Variants in PANK1 observed in about 807,000 individuals in gnomAD.
PANK1 encodes the protein pantothenic acid kinase 1.
In PANK1, 18 loss-of-function variants were observed where a neutral mutation model predicts 40.1. The ratio of observed to expected loss-of-function variants is 0.45; its 90% CI spans 0.31 to 0.67. PANK1 has a LOEUF of 0.67. Ranked by LOEUF, PANK1 falls within the 30% of genes least tolerant of loss-of-function variation. The pLI, the probability that PANK1 is intolerant of heterozygous loss-of-function variation, is 0.06. For missense variants in PANK1, 457 were observed against 599.6 expected (o/e 0.76, Z 2.48); for synonymous variants, 242 against 237.7 (o/e 1.02, Z -0.17).
intron 1 of PANK1, among the ~76,000 whole-genome samples, chr10:89,616,293 CTAGA>C (rs144511661): frequency 0.028 from 4,287 of 152,092 alleles, 178 homozygotes; most frequent in African/African-American, 0.097. Flanking sequence ...AAAGGAATTC[CTAGA>C]TAAATTTCTA....
intron 2 of PANK1, among the ~76,000 whole-genome samples, chr10:89,600,440 C>G (rs908434972): frequency 1.3e-5 from 2 of 152,202 alleles, no homozygotes; most frequent in Non-Finnish European, 2.9e-5. Flanking sequence ...ATTTCTCAAA[C>G]CTCAGTGCCC....
intron 1 of PANK1, among the ~76,000 whole-genome samples, chr10:89,615,949 T>C (rs1359798754): frequency 6.6e-6 from 1 of 152,222 alleles, no homozygotes; most frequent in Admixed American, 6.5e-5. Flanking sequence ...TACTCCAGCA[T>C]ACCCAGATGC....
chr10:89,639,385 T>A, intron 1 of PANK1: 1 of 277,748 alleles, frequency 3.6e-6, no homozygotes, highest in Middle Eastern at 4.7e-4. Context: ...GGAGATTACA[T>A]TTCCAACACA....
intron 3 of PANK1, among the ~76,000 whole-genome samples, chr10:89,598,796 T>G (rs34116608): frequency 0.13 from 19,054 of 152,088 alleles, 1,413 homozygotes; most frequent in Middle Eastern, 0.19. Context: ...TGGCTGAGGG[T>G]AAAAAAACAT....
intron 3 of PANK1, among the ~76,000 whole-genome samples, chr10:89,596,556 AGC>A: frequency 6.6e-6 from 1 of 152,220 alleles, no homozygotes; most frequent in Non-Finnish European, 1.5e-5. Flanking sequence ...AATGTCTCCC[AGC>A]ACTTTATTAA....
chr10:89,636,741 G>A (rs188974138), intron 1 of PANK1, among the ~76,000 whole-genome samples: 5 of 151,370 alleles, frequency 3.3e-5, no homozygotes, highest in Admixed American at 1.3e-4. Context: ...ATGAGCCACC[G>A]CACCCAGCCT....
intron 1 of PANK1, among the ~76,000 whole-genome samples, chr10:89,636,164 C>G (rs750309354): frequency 2.0e-5 from 3 of 152,154 alleles, no homozygotes; most frequent in Non-Finnish European, 4.4e-5. Context: ...CTAGGAGACT[C>G]TCTGCGGTAG....
chr10:89,629,689 C>A (rs1841577012), intron 1 of PANK1, among the ~76,000 whole-genome samples: 1 of 152,098 alleles, frequency 6.6e-6, no homozygotes, highest in African/African-American at 2.4e-5. Context: ...GGAAACTGTC[C>A]CTTACGGATG....
chr10:89,617,378 C>T (rs1412126043), intron 1 of PANK1, among the ~76,000 whole-genome samples: 1 of 152,102 alleles, frequency 6.6e-6, no homozygotes, highest in Non-Finnish European at 1.5e-5. Context: ...AAAGAATGAG[C>T]AGATCTAGTG....
At chr10:89,637,324 C>A (rs1307101442) in intron 1 of PANK1, among the ~76,000 whole-genome samples, 1 of 152,072 alleles carries the variant, frequency 6.6e-6, no homozygotes, top group East Asian at 1.9e-4. Context: ...CGGGTATTTT[C>A]AGAGAAAAGA....
At chr10:89,589,484 G>A (rs1021050100) in intron 5 of PANK1, among the ~76,000 whole-genome samples, 2 of 151,946 alleles carry the variant, frequency 1.3e-5, no homozygotes, top group Non-Finnish European at 2.9e-5. Context: ...CCCACTCCCC[G>A]AGATATTTCT....
At chr10:89,595,219 G>C (rs917554317) in intron 3 of PANK1, among the ~76,000 whole-genome samples, 7 of 152,170 alleles carry the variant, frequency 4.6e-5, no homozygotes, top group African/African-American at 1.7e-4. Context: ...GGGAGGCTGA[G>C]ACAGGCAAAT....
rs138597591 is a variant in PANK1 at position 89,584,867 on chromosome 10, C to T, written c.1327-402G>A. Among the ~76,000 whole-genome samples the T allele has an allele frequency of 3.1e-3, 472 of 152,310 alleles. 3 individuals are homozygous for T. The highest frequency in any genetic ancestry group is 0.011 in the African/African-American group (438 of 41,578). ...ATACCAAATCTGTCTGACTTTAAAGCTATATTTCATGAGAGAAAACCCTAA... is the reference window on the plus strand; with the variant it reads ...ATACCAAATCTGTCTGACTTTAAAGTTATATTTCATGAGAGAAAACCCTAA... On this transcript the variant is annotated intron_variant, in intron 6 of 6. Transcript: ENST00000307534.
intron 1 of PANK1, among the ~76,000 whole-genome samples, chr10:89,621,604 C>A (rs1387559856): frequency 1.3e-5 from 2 of 151,974 alleles, no homozygotes; most frequent in Non-Finnish European, 2.9e-5. Context: ...CCAATAAATC[C>A]CCATTTTGGT....
intron 3 of PANK1, among the ~76,000 whole-genome samples, chr10:89,597,424 A>G (rs1381119221): frequency 6.6e-6 from 1 of 152,026 alleles, no homozygotes; most frequent in Non-Finnish European, 1.5e-5. Flanking sequence ...GCACCTTTCC[A>G]AAACTACTGA....
intron 1 of PANK1, among the ~76,000 whole-genome samples, chr10:89,619,807 A>G (rs572044472): frequency 1.3e-5 from 2 of 152,352 alleles, no homozygotes; most frequent in South Asian, 4.1e-4. Flanking sequence ...GCAAATCAAC[A>G]AGGGGGAAAA....
chr10:89,599,519 C>A lies in PANK1; in HGVS notation c.646-14G>T, dbSNP rs74728862. 329 of 1,608,326 alleles carry A rather than the reference C, an allele frequency of 2.0e-4. 2 individuals carry two copies. The African/African-American group carries it at 3.7e-3, about 18-fold the overall frequency. ...CAGGTCAGCAATCTAAAACAAAACA[C>A]ACAACAAAATAAAACCTTGTGAGAT... On this transcript the variant is annotated splice_polypyrimidine_tract_variant and intron_variant, in intron 2 of 6. Transcript: ENST00000307534.
At chr10:89,635,143 T>G (rs7096229) in intron 1 of PANK1, among the ~76,000 whole-genome samples, 37,045 of 150,708 alleles carry the variant, frequency 0.25, 4,606 homozygotes, top group South Asian at 0.29. Context: ...TATATATATA[T>G]AGAGAGAGAG....
chr10:89,592,119 C>G (rs1023453542), intron 5 of PANK1, among the ~76,000 whole-genome samples: 1 of 152,216 alleles, frequency 6.6e-6, no homozygotes, highest in Non-Finnish European at 1.5e-5. Flanking sequence ...CTCTGGAATG[C>G]TCTTTTCTCT....
Sources: allele counts gnomAD v4.1 joint callset (sites outside exome capture counted in the v4.1 genomes callset), GRCh38; gene constraint gnomAD v4.1.1; transcripts MANE v1.5; gene names NCBI Gene and HGNC (gene_info 2026-07-23, HGNC 2026-07-21).